The following USH2A variants were observed in gnomAD, a reference collection of about 807,000 sequenced individuals.
USH2A encodes the protein usherin.
In USH2A, 443 loss-of-function variants were observed where a neutral mutation model predicts 538.9. The observed-to-expected ratio is 0.82, with a 90% CI of 0.76 to 0.89. The LOEUF (loss-of-function observed/expected upper bound fraction) is 0.89. Among genes scored for constraint, USH2A ranks in the 40% least tolerant of loss-of-function variants. The probability of loss-of-function intolerance (pLI) is 0.00; values close to 1 mark genes in which losing one functional copy is unlikely to be tolerated. For synonymous variants in USH2A, 2,413 were observed against 2,273.5 expected (o/e 1.06, Z -1.75); for missense variants, 6,633 against 6,324.8 (o/e 1.05, Z -1.65).
intron 62 of USH2A, among the ~76,000 whole-genome samples, chr1:215,679,389 G>A (rs979131812): frequency 5.3e-5 from 8 of 152,150 alleles, no homozygotes; most frequent in African/African-American, 7.2e-5. Context: ...GTCCCAGCCC[G>A]CAGAAGGTAG....
chr1:216,276,595 C>T (rs2102588605), intron 11 of USH2A, among the ~76,000 whole-genome samples: 1 of 152,204 alleles, frequency 6.6e-6, no homozygotes, highest in Non-Finnish European at 1.5e-5. Flanking sequence ...CGTCTGTTTT[C>T]ACGCTGGTGA....
At chr1:215,732,238 G>GAAGGT (rs1378537878) in intron 60 of USH2A, among the ~76,000 whole-genome samples, 9 of 152,176 alleles carry the variant, frequency 5.9e-5, no homozygotes, top group Non-Finnish European at 1.2e-4. Flanking sequence ...AGTTTTTGGT[G>GAAGGT]TGAGTAGAGA....
At chr1:215,999,611 G>A (rs147070065) in intron 33 of USH2A, among the ~76,000 whole-genome samples, 25 of 152,232 alleles carry the variant, frequency 1.6e-4, no homozygotes, top group Non-Finnish European at 2.9e-4. Flanking sequence ...TCAGATGAGG[G>A]TTACAACTTA....
intron 41 of USH2A, chr1:215,886,563 C>T (rs965581145): frequency 1.4e-4 from 21 of 152,036 alleles, no homozygotes; most frequent in Admixed American, 6.6e-4. Flanking sequence ...TACTAGTGTA[C>T]CATGTTCATA....
chr1:215,853,815 T>A (rs374541551), intron 44 of USH2A, among the ~76,000 whole-genome samples: 22 of 152,300 alleles, frequency 1.4e-4, no homozygotes, highest in East Asian at 1.4e-3. Flanking sequence ...AAATTCCTCA[T>A]CTCCATCTGA....
At chr1:216,414,834 A>T (rs1348828182) in intron 3 of USH2A, among the ~76,000 whole-genome samples, 1 of 152,122 alleles carries the variant, frequency 6.6e-6, no homozygotes, top group Non-Finnish European at 1.5e-5. Context: ...TTGAAACTTG[A>T]CTAAACAAGA....
chr1:216,376,676 T>C (rs1441790670), intron 3 of USH2A, among the ~76,000 whole-genome samples: 3 of 152,172 alleles, frequency 2.0e-5, no homozygotes, highest in Non-Finnish European at 4.4e-5. Context: ...TTTCTGTTTA[T>C]ACTTCCAGGG....
At chr1:216,400,316 G>A (rs1052095585) in intron 3 of USH2A, among the ~76,000 whole-genome samples, 29 of 151,272 alleles carry the variant, frequency 1.9e-4, no homozygotes, top group Non-Finnish European at 3.7e-4. Context: ...GGGTTCAAGG[G>A]TAACAGGAAG....
Position 216,228,901 on chromosome 1 carries a change from A to G in USH2A, c.2993+3052T>C, listed in dbSNP as rs144809088. Among the ~76,000 whole-genome samples the G allele has an allele frequency of 7.3e-3, 1,104 of 152,080 alleles. 16 individuals are homozygous for G. Among genetic ancestry groups the G allele is most frequent in the African/African-American group, 0.025 (1,027 of 41,438 alleles). On this transcript the variant is annotated intron_variant, in intron 14 of 71. Transcript: ENST00000307340. Reference sequence around the variant, plus strand: ...GTGGATCTTTTTGTTTAAAACACACACTCGGCTCAAGCCTGTAATCCCAGC... The same window carrying G: ...GTGGATCTTTTTGTTTAAAACACACGCTCGGCTCAAGCCTGTAATCCCAGC...
intron 33 of USH2A, 102 bp from the exon 34 acceptor site, chr1:215,999,160 TA>T: frequency 1.0e-6 from 1 of 985,626 alleles, no homozygotes; most frequent in South Asian, 1.5e-5. Flanking sequence ...GACACTTTTT[TA>T]AAAAACATAA....
At position 216,073,160 on chromosome 1, in the gene USH2A, A is replaced by G; in HGVS notation, c.5713T>C (p.Ser1905Pro). ...DSAVNCRGND[S>P]ILVYQGKEQS... ...TCTTTTCCCTGGTAAACCAGGATGG[A>G]GTCATTTCCCCTGCAGTTAACAGCA... is the stretch of plus-strand genomic sequence containing the variant. The change falls in exon 28 of 72, where the codon TCC (serine) becomes CCC (proline). Residue 1905 changes from serine (S) to proline (P), a missense_variant. Transcript: ENST00000307340. 1.2e-6 allele frequency: 2 copies of G among 1,613,888 alleles called. No homozygotes were observed. The highest frequency in any genetic ancestry group is 1.1e-5 in the South Asian group (1 of 91,066).
At chr1:216,137,786 A>T (rs974908893) in intron 21 of USH2A, among the ~76,000 whole-genome samples, 5 of 152,152 alleles carry the variant, frequency 3.3e-5, no homozygotes, top group African/African-American at 1.2e-4. Context: ...ACACCCTCAC[A>T]GACACACCCA....
intron 30 of USH2A, among the ~76,000 whole-genome samples, chr1:216,063,008 T>C (rs2102539485): frequency 6.6e-6 from 1 of 152,334 alleles, no homozygotes; most frequent in African/African-American, 2.4e-5. Context: ...ACATTCAGTG[T>C]CAGAATTATT....
intron 38 of USH2A, among the ~76,000 whole-genome samples, chr1:215,923,422 G>A (rs779341714): frequency 6.6e-6 from 1 of 151,988 alleles, no homozygotes; most frequent in Non-Finnish European, 1.5e-5. Context: ...GGGGCAACAT[G>A]GCTGGCAGCA....
chr1:216,140,474 G>T (rs1443328052), intron 21 of USH2A, among the ~76,000 whole-genome samples: 1 of 152,150 alleles, frequency 6.6e-6, no homozygotes, highest in Non-Finnish European at 1.5e-5. Flanking sequence ...CAAAAAAAGA[G>T]AATGAAACTT....
At chr1:215,949,193 T>C (rs76907656) in intron 37 of USH2A, among the ~76,000 whole-genome samples, 3,213 of 152,014 alleles carry the variant, frequency 0.021, 70 homozygotes, top group South Asian at 0.084. Flanking sequence ...TAAAAATAAA[T>C]GAACACCATC....
chr1:216,196,192 C>T (rs936434266), intron 19 of USH2A, among the ~76,000 whole-genome samples: 1 of 151,860 alleles, frequency 6.6e-6, no homozygotes, highest in African/African-American at 2.4e-5. Context: ...AGAATTAATA[C>T]AATACAATAT....
At chr1:216,409,147 C>A (rs1270449262) in intron 3 of USH2A, among the ~76,000 whole-genome samples, 1 of 151,932 alleles carries the variant, frequency 6.6e-6, no homozygotes, top group Non-Finnish European at 1.5e-5. Context: ...AATAAAATAC[C>A]AGGAATACAG....
chr1:215,690,934 G>C (rs1005480875), intron 61 of USH2A, among the ~76,000 whole-genome samples: 1 of 151,926 alleles, frequency 6.6e-6, no homozygotes, highest in African/African-American at 2.4e-5. Flanking sequence ...CTGTCACTGA[G>C]GCTGGAGTGC....
Sources: gnomAD v4.1 joint callset for allele counts (sites outside exome capture counted in the v4.1 genomes callset) on GRCh38, gnomAD v4.1.1 for gene constraint, MANE v1.5 for transcripts, NCBI Gene and HGNC (gene_info 2026-07-23, HGNC 2026-07-21) for gene names.